The following ARHGAP6 variants were observed in gnomAD, a reference collection of about 807,000 sequenced individuals.
The protein encoded by ARHGAP6 is Rho GTPase activating protein 6.
ARHGAP6 carries 16 observed loss-of-function variants against 55.7 expected under a neutral mutation model. The observed-to-expected ratio is 0.29, with a 90% CI of 0.19 to 0.44. The LOEUF (loss-of-function observed/expected upper bound fraction) is 0.44. Among genes scored for constraint, ARHGAP6 ranks in the 20% least tolerant of loss-of-function variants. ARHGAP6 has a pLI of 1.00. For missense variants in ARHGAP6, 698 were observed against 808.9 expected, an observed-to-expected ratio of 0.86 and a Z score of 1.66; for synonymous variants, 382 against 360.9, an observed-to-expected ratio of 1.06 and a Z score of -0.66.
At chrX:11,584,198 G>T (rs1468648625) in intron 1 of ARHGAP6, among the ~76,000 whole-genome samples, 4 of 111,508 alleles carry the variant, frequency 3.6e-5, no homozygotes, top group African/African-American at 1.3e-4. Flanking sequence ...GAACATATAG[G>T]AAAAATATAT....
chrX:11,502,275 CA>C (rs1259980437), intron 1 of ARHGAP6, among the ~76,000 whole-genome samples: 1 of 112,178 alleles, frequency 8.9e-6, no homozygotes, highest in Admixed American at 9.5e-5. Flanking sequence ...GTATAAAATG[CA>C]AAATTAATCT....
chrX:11,446,275 CT>C (rs2050091078), intron 1 of ARHGAP6, among the ~76,000 whole-genome samples: 1 of 111,330 alleles, frequency 9.0e-6, no homozygotes, highest in African/African-American at 3.3e-5. Flanking sequence ...ATCATGACTT[CT>C]GGTATCTTTT....
At chrX:11,582,930 T>A (rs935268127) in intron 1 of ARHGAP6, among the ~76,000 whole-genome samples, 2 of 111,473 alleles carry the variant, frequency 1.8e-5, no homozygotes, top group Non-Finnish European at 3.8e-5. Context: ...GTTTTAAATT[T>A]AAAAAAAGGA....
intron 9 of ARHGAP6, among the ~76,000 whole-genome samples, chrX:11,157,528 G>A (rs1301202080): frequency 8.9e-6 from 1 of 112,221 alleles, no homozygotes; most frequent in Non-Finnish European, 1.9e-5. Flanking sequence ...GTGTGGAAAT[G>A]TTCTATAAGA....
chrX:11,455,252 T>C (rs1223864559), intron 1 of ARHGAP6, among the ~76,000 whole-genome samples: 4 of 112,589 alleles, frequency 3.6e-5, no homozygotes, highest in African/African-American at 1.3e-4. Context: ...TTTTGCAGAT[T>C]TTGCAGAGTG....
intron 1 of ARHGAP6, among the ~76,000 whole-genome samples, chrX:11,411,127 T>C (rs891293186): frequency 3.3e-5 from 3 of 92,103 alleles, no homozygotes; most frequent in African/African-American, 1.2e-4. Flanking sequence ...GCCCTGTTGC[T>C]ATGACTTCAT....
At chrX:11,278,482 C>T (rs2047808191) in intron 1 of ARHGAP6, among the ~76,000 whole-genome samples, 1 of 111,748 alleles carries the variant, frequency 8.9e-6, no homozygotes, top group African/African-American at 3.3e-5. Context: ...AAATGCAGCT[C>T]TGTCAACACC....
chrX:11,145,054 G>C (rs1229664739), intron 10 of ARHGAP6: 1 of 112,215 alleles, frequency 8.9e-6, no homozygotes, highest in Non-Finnish European at 1.9e-5. Flanking sequence ...AACGTGAAAA[G>C]AGCATGGGAA....
rs1430450718 is a variant in ARHGAP6, at chrX:11,612,456, T to C, written c.588+51785A>G. 7.2e-5 allele frequency among the ~76,000 whole-genome samples: 8 copies of C among 111,770 alleles called. No homozygotes were observed. In the East Asian group the frequency reaches 2.0e-3, roughly 28 times the overall value. ...TGTTTGTGTACCCCTCAAATTCACATGTTAAAACCCAGTCCCCGATGTGGT... is the reference window on the plus strand; with the variant it reads ...TGTTTGTGTACCCCTCAAATTCACACGTTAAAACCCAGTCCCCGATGTGGT... On this transcript the variant is annotated intron_variant, in intron 1 of 12. Coordinates refer to ENST00000337414, the MANE Select transcript of ARHGAP6 (RefSeq NM_013427.3).
At chrX:11,587,136 CCT>C (rs1304698924) in intron 1 of ARHGAP6, among the ~76,000 whole-genome samples, 1 of 111,486 alleles carries the variant, frequency 9.0e-6, no homozygotes, top group Non-Finnish European at 1.9e-5. Context: ...AGTTGGACTT[CCT>C]CTCTCTCTGT....
At chrX:11,344,202 T>A (rs980703009) in intron 1 of ARHGAP6, among the ~76,000 whole-genome samples, 1 of 111,346 alleles carries the variant, frequency 9.0e-6, no homozygotes, top group African/African-American at 3.3e-5. Flanking sequence ...TATAGGATAT[T>A]TGGCAGCATC....
intron 1 of ARHGAP6, among the ~76,000 whole-genome samples, chrX:11,564,466 C>CT (rs1210687504): frequency 2.5e-4 from 27 of 105,984 alleles, no homozygotes; most frequent in Non-Finnish European, 3.3e-4. Context: ...TCCAACAGAA[C>CT]TTTTTTTTTT....
chrX:11,180,162 T>C (rs2046295349), intron 6 of ARHGAP6, among the ~76,000 whole-genome samples: 1 of 111,516 alleles, frequency 9.0e-6, no homozygotes, highest in African/African-American at 3.3e-5. Context: ...CCTGCCTTAA[T>C]CATTATACTA....
At chrX:11,519,805 C>T (rs373238756) in intron 1 of ARHGAP6, among the ~76,000 whole-genome samples, 4 of 106,887 alleles carry the variant, frequency 3.7e-5, no homozygotes, top group South Asian at 4.2e-4. Flanking sequence ...TGAAACTGGA[C>T]CCCTTCCTTA....
chrX:11,264,659 A>G (rs1041352968), intron 1 of ARHGAP6, among the ~76,000 whole-genome samples: 3 of 111,769 alleles, frequency 2.7e-5, no homozygotes, highest in Non-Finnish European at 3.8e-5. Context: ...CACTGGCATG[A>G]ATTAGAAATT....
intron 2 of ARHGAP6, among the ~76,000 whole-genome samples, chrX:11,219,385 T>A (rs1376235101): frequency 9.8e-6 from 1 of 102,029 alleles, no homozygotes; most frequent in Non-Finnish European, 2.0e-5. Flanking sequence ...TGATTTATAG[T>A]CCTTTGGGTA....
intron 1 of ARHGAP6, among the ~76,000 whole-genome samples, chrX:11,592,864 A>G (rs1169230447): frequency 9.0e-6 from 1 of 111,554 alleles, no homozygotes; most frequent in Admixed American, 9.5e-5. Flanking sequence ...AGGTTTGAAG[A>G]GCCTCTGGTG....
intron 1 of ARHGAP6, among the ~76,000 whole-genome samples, chrX:11,473,789 C>T (rs941314558): frequency 3.6e-5 from 4 of 111,697 alleles, no homozygotes; most frequent in African/African-American, 1.3e-4. Flanking sequence ...CACATTTAGA[C>T]AGTTTGGGCC....
intron 1 of ARHGAP6, among the ~76,000 whole-genome samples, chrX:11,498,625 C>T (rs1260762405): frequency 9.0e-6 from 1 of 111,713 alleles, no homozygotes; most frequent in African/African-American, 3.3e-5. Flanking sequence ...CTACTCATTT[C>T]AGCCTCCTGA....
Sources: gnomAD v4.1 joint callset for allele counts (sites outside exome capture counted in the v4.1 genomes callset) on GRCh38, gnomAD v4.1.1 for gene constraint, MANE v1.5 for transcripts, NCBI Gene and HGNC (gene_info 2026-07-23, HGNC 2026-07-21) for gene names.